The following SLC24A4 variants were observed in gnomAD, a reference collection of about 807,000 sequenced individuals.
SLC24A4 encodes sodium/potassium/calcium exchanger 4.
SLC24A4 carries 53 observed loss-of-function variants against 79.0 expected under a neutral mutation model. That is an observed-to-expected ratio of 0.67 (90% CI 0.54 to 0.84). The LOEUF (loss-of-function observed/expected upper bound fraction) is 0.84, where lower values mean the gene tolerates loss of function less well. Ranked by LOEUF, SLC24A4 falls within the 40% of genes least tolerant of loss-of-function variation. SLC24A4 has a pLI of 0.00. For synonymous variants in SLC24A4, 323 were observed against 323.8 expected, an observed-to-expected ratio of 1.00 and a Z score of 0.03; for missense variants, 731 against 822.0, an observed-to-expected ratio of 0.89 and a Z score of 1.35.
chr14:92,461,253 C>A (rs905788260), intron 12 of SLC24A4, among the ~76,000 whole-genome samples: 4 of 152,206 alleles, frequency 2.6e-5, no homozygotes, highest in Non-Finnish European at 4.4e-5. Flanking sequence ...AGGACGCTGG[C>A]CTTCGTGGCC....
chr14:92,347,274 T>C (rs1886594471), intron 2 of SLC24A4, among the ~76,000 whole-genome samples: 1 of 152,324 alleles, frequency 6.6e-6, no homozygotes, highest in African/African-American at 2.4e-5. Flanking sequence ...TTTCACTTTG[T>C]ACTAGGATGT....
intron 12 of SLC24A4, among the ~76,000 whole-genome samples, chr14:92,468,272 A>G (rs753442865): frequency 6.6e-6 from 1 of 152,250 alleles, no homozygotes; most frequent in Admixed American, 6.5e-5. Flanking sequence ...AGACAATCAA[A>G]TAAATGGAAA....
At chr14:92,349,931 G>A (rs140948827) in intron 2 of SLC24A4, among the ~76,000 whole-genome samples, 41 of 152,306 alleles carry the variant, frequency 2.7e-4, no homozygotes, top group Middle Eastern at 3.4e-3. Flanking sequence ...ATGGGTTTGG[G>A]GATGTGCCGC....
intron 1 of SLC24A4, 139 bp from the exon 2 acceptor site, chr14:92,325,729 T>A: frequency 3.4e-6 from 2 of 594,910 alleles, no homozygotes; most frequent in South Asian, 4.1e-5. Context: ...ATACTTCCAA[T>A]CATCCTATCA....
chr14:92,358,913 T>A (rs980483383), intron 2 of SLC24A4, among the ~76,000 whole-genome samples: 1 of 151,912 alleles, frequency 6.6e-6, no homozygotes, highest in Non-Finnish European at 1.5e-5. Flanking sequence ...CTTGAACTCC[T>A]GACCTCAAGT....
At chr14:92,468,264 ACAAT>A (rs1356747849) in intron 12 of SLC24A4, among the ~76,000 whole-genome samples, 3 of 152,248 alleles carry the variant, frequency 2.0e-5, no homozygotes, top group African/African-American at 7.2e-5. Context: ...GAAATTAAAG[ACAAT>A]CAAATAAATG....
intron 2 of SLC24A4, among the ~76,000 whole-genome samples, chr14:92,420,457 G>A (rs1006258395): frequency 9.9e-5 from 15 of 151,726 alleles, no homozygotes; most frequent in African/African-American, 3.6e-4. Context: ...CCAGCCTGGC[G>A]ACAGAGCGAG....
At chr14:92,404,486 A>G (rs1890270654) in intron 2 of SLC24A4, among the ~76,000 whole-genome samples, 2 of 152,136 alleles carry the variant, frequency 1.3e-5, no homozygotes, top group South Asian at 2.1e-4. Context: ...GTGCTCCAGC[A>G]CACTGGCAGG....
At chr14:92,413,525 C>T (rs575240710) in intron 2 of SLC24A4, among the ~76,000 whole-genome samples, 192 of 152,346 alleles carry the variant, frequency 1.3e-3, no homozygotes, top group Non-Finnish European at 1.9e-3. Flanking sequence ...CCTCTCCCCA[C>T]GGCATGTGTC....
In SLC24A4 at chr14:92,492,165, G is replaced by T. The variant is rs370238593; in HGVS notation, c.1651-10G>T. 1 of 1,613,810 alleles carries T rather than the reference G, an allele frequency of 6.2e-7. No individual in the cohort carries two copies. Among genetic ancestry groups the T allele is most frequent in the Non-Finnish European group, 8.5e-7 (1 of 1,179,906 alleles). On this transcript the variant is annotated splice_polypyrimidine_tract_variant and intron_variant, in intron 15 of 16. Coordinates refer to ENST00000532405, the MANE Select transcript of SLC24A4 (RefSeq NM_153646.4). ...CAAGAGACTCAGGGCACGTGTGTTT[G>T]ATTTTCCAGGTGAAGATCAACAGCC... is the stretch of plus-strand genomic sequence containing the variant.
rs1367142636 is a variant in SLC24A4, at chr14:92,499,979, A to T, written c.*6351A>T. ...CTCAGCCTCCCGAGTAGCTGGGACT[A>T]CAGGCGCCTGCCACCACACCCAGCT... On this transcript the variant is annotated 3_prime_UTR_variant, in exon 17 of 17. Transcript: ENST00000532405. The T allele has an allele frequency of 6.6e-6, 1 of 151,876 alleles. No individual in the cohort carries two copies. The highest frequency in any genetic ancestry group is 6.6e-5 in the Admixed American group (1 of 15,242). The allele number at this position is 151,876 out of a possible 1,614,324, so 9.4% of individuals were successfully genotyped here. A position where few individuals can be genotyped will look rare whatever the true frequency, so the allele number is the denominator to read the frequency against.
upstream of SLC24A4, among the ~76,000 whole-genome samples, chr14:92,323,025 A>G (rs1367800028): frequency 6.9e-6 from 1 of 145,888 alleles, no homozygotes; most frequent in Non-Finnish European, 1.5e-5. This position sits in a 1 kb window ranked among gnomAD's most constrained non-coding sequence, Gnocchi z 4.9. Context: ...GTAGAGGTCC[A>G]ACTACTGAAG....
At chr14:92,421,055 C>T (rs1891249628) in intron 2 of SLC24A4, among the ~76,000 whole-genome samples, 1 of 152,130 alleles carries the variant, frequency 6.6e-6, no homozygotes, top group South Asian at 2.1e-4. Context: ...GATCTGGCCT[C>T]ATCCCAAAAT....
intron 2 of SLC24A4, among the ~76,000 whole-genome samples, chr14:92,331,865 T>C (rs1885499084): frequency 6.6e-6 from 1 of 152,260 alleles, no homozygotes; most frequent in Non-Finnish European, 1.5e-5. Context: ...ATGATCTGCT[T>C]CCACTTACTG....
At chr14:92,372,332 G>T (rs1415760416) in intron 2 of SLC24A4, among the ~76,000 whole-genome samples, 3 of 152,214 alleles carry the variant, frequency 2.0e-5, no homozygotes, top group Non-Finnish European at 4.4e-5. Context: ...GAACAGGAGG[G>T]TGTGGGAGTC....
chr14:92,403,197 C>T (rs1017923060), intron 2 of SLC24A4, among the ~76,000 whole-genome samples: 1 of 152,102 alleles, frequency 6.6e-6, no homozygotes, highest in Non-Finnish European at 1.5e-5. Flanking sequence ...GCAGCCTCTT[C>T]TCAGCAGTAA....
chr14:92,484,856 A>C (rs12432742), intron 13 of SLC24A4: 154,806 of 985,248 alleles, frequency 0.16, 12,635 homozygotes, highest in East Asian at 0.32. Flanking sequence ...ACCTGGTAAC[A>C]GTCAGATGAT....
At chr14:92,336,125 A>C (rs962962892) in intron 2 of SLC24A4, among the ~76,000 whole-genome samples, 43 of 151,940 alleles carry the variant, frequency 2.8e-4, no homozygotes, top group Non-Finnish European at 4.0e-4. Flanking sequence ...CAATCCAGAG[A>C]GCGCCCACTC....
At chr14:92,357,399 C>A (rs2141657491) in intron 2 of SLC24A4, among the ~76,000 whole-genome samples, 1 of 152,286 alleles carries the variant, frequency 6.6e-6, no homozygotes, top group East Asian at 1.9e-4. Context: ...CACCCAGGCA[C>A]ATGGCAGCAT....
Sources: allele counts gnomAD v4.1 joint callset (sites outside exome capture counted in the v4.1 genomes callset), GRCh38; gene constraint gnomAD v4.1.1; non-coding constraint Gnocchi (gnomAD v3.1); transcripts MANE v1.5; gene names NCBI Gene and HGNC (gene_info 2026-07-23, HGNC 2026-07-21).